LRRC7: variants seen among roughly 807,000 people sequenced by gnomAD.
LRRC7 encodes leucine-rich repeat-containing protein 7.
In LRRC7, 23 loss-of-function variants were observed where a neutral mutation model predicts 175.7. The ratio of observed to expected loss-of-function variants is 0.13; its 90% CI spans 0.09 to 0.19. The LOEUF (loss-of-function observed/expected upper bound fraction) is 0.19, where lower values mean the gene tolerates loss of function less well. Among genes scored for constraint, LRRC7 ranks in the 10% least tolerant of loss-of-function variants. LRRC7 has a pLI of 1.00. For missense variants in LRRC7, 1,354 were observed against 1,904.7 expected (o/e 0.71, Z 5.38); for synonymous variants, 685 against 680.9 (o/e 1.01, Z -0.09).
At chr1:69,718,142 G>GAAAGAAAGAAAGAAAGAAAGAAAGAAA (rs1553146139) in intron 2 of LRRC7, among the ~76,000 whole-genome samples, 1 of 73,716 alleles carries the variant, frequency 1.4e-5, no homozygotes, top group Non-Finnish European at 2.4e-5. Flanking sequence ...AAGAAAGAGA[G>GAAAGAAAGAAAGAAAGAAAGAAAGAAA]AGAAAGAAAG....
In LRRC7 at chr1:70,028,304, C is replaced by T. The variant is rs761393211; in HGVS notation, c.1928C>T (p.Thr643Met). 8.7e-5 allele frequency: 141 copies of T among 1,613,546 alleles called. 3 individuals carry two copies. In the Middle Eastern group the frequency reaches 1.6e-3, roughly 19 times the overall value. ...GAGAATTCAAATCCAACTGCTAACA[C>T]GGAGCAAACTGTGAAAGAAAAATAT... ...RVENSNPTANTEQTVKEKYEH... is the reference protein window; with the variant it reads ...RVENSNPTANMEQTVKEKYEH... Residue 643 changes from threonine (T) to methionine (M), a missense_variant, in exon 18 of 27, where the codon ACG becomes ATG. Physicochemically the swap from Thr to Met is moderately conservative, Grantham distance 81. Around this residue, in one of 4 missense-constraint regions of LRRC7, gnomAD observed 1,032 missense variants for 1,227.2 expected, o/e 0.84. Transcript: ENST00000651989.
At chr1:69,992,903 G>A (rs754483333) in intron 10 of LRRC7, among the ~76,000 whole-genome samples, 42 of 151,992 alleles carry the variant, frequency 2.8e-4, no homozygotes, top group Non-Finnish European at 5.0e-4. Context: ...ACTTTGTGAC[G>A]TTTGCTCAGT....
intron 4 of LRRC7, among the ~76,000 whole-genome samples, chr1:69,809,396 A>G (rs527433026): frequency 4.3e-4 from 66 of 152,292 alleles, no homozygotes; most frequent in African/African-American, 1.6e-3. Flanking sequence ...ATAATAGAAA[A>G]TGGGGGATTC....
intron 2 of LRRC7, among the ~76,000 whole-genome samples, chr1:69,699,065 CG>C (rs1380492532): frequency 3.3e-5 from 5 of 152,056 alleles, no homozygotes; most frequent in African/African-American, 9.7e-5. Flanking sequence ...GCACAACGTG[CG>C]GTCTTGGTGG....
chr1:69,909,132 C>T (rs1646430249), intron 7 of LRRC7, among the ~76,000 whole-genome samples: 1 of 151,980 alleles, frequency 6.6e-6, no homozygotes, highest in Non-Finnish European at 1.5e-5. Context: ...GTAGATCTTC[C>T]TCCATCCTTT....
At position 69,568,538 on chromosome 1, in the gene LRRC7, G is replaced by T; in HGVS notation, c.-102G>T. On this transcript the variant is annotated 5_prime_UTR_variant, in exon 1 of 27. Transcript: ENST00000651989. The stretch of plus-strand genomic sequence containing the variant: ...CCTCCTCTTCTCCTCCGAAGACCCT[G>T]GCGCCCACTCCACTGCGGACCCCTG... The T allele has an allele frequency of 1.7e-6, 2 of 1,154,782 alleles. No homozygotes were observed. The highest frequency in any genetic ancestry group is 6.6e-5 in the East Asian group (1 of 15,164). 71.5% of individuals were successfully genotyped at this position (1,154,782 alleles called of 1,614,324 possible).
In LRRC7 at chr1:69,717,830, GAAAGAAAGAAAAAAGAAAGAAAGGAAA is replaced by G. The variant is rs1665659232; in HGVS notation, c.100+39353_100+39379del. Among the ~76,000 whole-genome samples, 30 of 28,318 alleles carry G rather than the reference GAAAGAAAGAAAAAAGAAAGAAAGGAAA, an allele frequency of 1.1e-3. 1 individual carries two copies. Among genetic ancestry groups the G allele is most frequent in the Non-Finnish European group, 4.4e-4 (7 of 15,902 alleles). 18.6% of individuals were successfully genotyped at this position (28,318 alleles called of 152,430 possible). ...AGAAAGAAAGAAAGAAAGAAAGAAA[GAAAGAAAGAAAAAAGAAAGAAAGGAAA>G]GAAAGAAAGAAAGAAAGAAAGAGAG... On this transcript the variant is annotated intron_variant, in intron 2 of 26. Transcript: ENST00000651989.
chr1:69,722,600 C>T (rs181588201), intron 2 of LRRC7, among the ~76,000 whole-genome samples: 48 of 152,084 alleles, frequency 3.2e-4, no homozygotes, highest in Non-Finnish European at 5.6e-4. Context: ...TATTTAATAT[C>T]GTTTGCCCAC....
Position 70,027,592 on chromosome 1 carries a change from T to C in LRRC7, c.1795-579T>C, listed in dbSNP as rs141695059. 1.4e-4 allele frequency among the ~76,000 whole-genome samples: 21 copies of C among 152,232 alleles called. No individual in the cohort carries two copies. In the East Asian group the frequency reaches 3.9e-3, roughly 28 times the overall value. On this transcript the variant is annotated intron_variant, in intron 17 of 26. Coordinates refer to ENST00000651989, the MANE Select transcript of LRRC7 (RefSeq NM_001370785.2). Reference sequence around the variant, plus strand: ...TAAATATAAAAACCACCCTGAAGCATTTTTTCCCCTTAGGGATTAATGAGA... The same window carrying C: ...TAAATATAAAAACCACCCTGAAGCACTTTTTCCCCTTAGGGATTAATGAGA...
chr1:69,834,718 T>A, intron 5 of LRRC7, 62 bp from the exon 6 acceptor site: 2 of 1,208,038 alleles, frequency 1.7e-6, no homozygotes, highest in Non-Finnish European at 2.4e-6. Context: ...AGATACATAT[T>A]TTTTTTGTTC....
intron 1 of LRRC7, among the ~76,000 whole-genome samples, chr1:69,574,863 C>G (rs542169798): frequency 3.7e-4 from 56 of 152,198 alleles, no homozygotes; most frequent in African/African-American, 1.3e-3. Flanking sequence ...TTCCCTATAT[C>G]AAGTGTGATT....
chr1:69,987,315 T>C (rs913609910), intron 10 of LRRC7, among the ~76,000 whole-genome samples: 1 of 152,234 alleles, frequency 6.6e-6, no homozygotes, highest in African/African-American at 2.4e-5. Context: ...TGTGTAAGCT[T>C]TTTTGTGTAG....
rs185798728 is a variant in LRRC7, at chr1:69,806,099, T to C, written c.421+13939T>C. ...ATGCCATGCTACCTTGCAGCTTCAG[T>C]GTAAACTCCTTGAAAACAAGAATGA... On this transcript the variant is annotated intron_variant, in intron 4 of 26. Coordinates refer to ENST00000651989, the MANE Select transcript of LRRC7 (RefSeq NM_001370785.2). Among the ~76,000 whole-genome samples the C allele has an allele frequency of 1.3e-3, 205 of 152,048 alleles. 1 individual carries two copies. Among genetic ancestry groups the C allele is most frequent in the Non-Finnish European group, 2.3e-3 (153 of 67,900 alleles).
chr1:69,768,247 T>A (rs1272014996), intron 3 of LRRC7, among the ~76,000 whole-genome samples: 1 of 152,128 alleles, frequency 6.6e-6, no homozygotes, highest in African/African-American at 2.4e-5. Context: ...GACTGGTAAA[T>A]GGGCTCTGAC....
chr1:69,776,322 G>A (rs186415546), intron 3 of LRRC7, among the ~76,000 whole-genome samples: 1 of 152,140 alleles, frequency 6.6e-6, no homozygotes, highest in African/African-American at 2.4e-5. Context: ...ATTGCTATGA[G>A]CTACAATACA....
chr1:69,632,340 C>T (rs1179188696), intron 1 of LRRC7, among the ~76,000 whole-genome samples: 1 of 152,166 alleles, frequency 6.6e-6, no homozygotes, highest in African/African-American at 2.4e-5. Flanking sequence ...TAGCACAATA[C>T]TTGCACTGTG....
At chr1:69,887,467 ATCAGCT>A (rs1645673286) in intron 7 of LRRC7, among the ~76,000 whole-genome samples, 1 of 144,846 alleles carries the variant, frequency 6.9e-6, no homozygotes, top group East Asian at 2.0e-4. Context: ...TTTCAGCTCC[ATCAGCT>A]CCTTTAAGCA....
At chr1:69,815,403 T>C (rs1215926326) in intron 4 of LRRC7, among the ~76,000 whole-genome samples, 1 of 152,198 alleles carries the variant, frequency 6.6e-6, no homozygotes, top group African/African-American at 2.4e-5. Context: ...AGCTTTTCTC[T>C]TTAGTATCCT....
intron 7 of LRRC7, among the ~76,000 whole-genome samples, chr1:69,925,309 C>T (rs971443176): frequency 6.6e-6 from 1 of 152,100 alleles, no homozygotes; most frequent in Non-Finnish European, 1.5e-5. Context: ...ATGATGCTGA[C>T]CTCATAAAAT....
Sources: gnomAD v4.1 joint callset for allele counts (sites outside exome capture counted in the v4.1 genomes callset) on GRCh38, gnomAD v4.1.1 for gene constraint, gnomAD v4.1.1 regional missense constraint, MANE v1.5 for transcripts, NCBI Gene and HGNC (gene_info 2026-07-23, HGNC 2026-07-21) for gene names.